The following FYN variants were observed in gnomAD, a reference collection of about 807,000 sequenced individuals.
FYN encodes the protein tyrosine-protein kinase Fyn.
Under a neutral mutation model 70.2 loss-of-function variants are expected in FYN, and 10 were observed. The ratio of observed to expected loss-of-function variants is 0.14; its 90% CI spans 0.09 to 0.24. The LOEUF is 0.24. Ranked by LOEUF, FYN falls within the 10% of genes least tolerant of loss-of-function variation. The pLI is 1.00. For missense variants in FYN, 319 were observed against 673.1 expected, an observed-to-expected ratio of 0.47 and a Z score of 5.82; for synonymous variants, 236 against 248.6, an observed-to-expected ratio of 0.95 and a Z score of 0.48.
At chr6:111,738,500 C>T (rs1025416597) in intron 3 of FYN, among the ~76,000 whole-genome samples, 2 of 152,210 alleles carry the variant, frequency 1.3e-5, no homozygotes, top group East Asian at 1.9e-4. Flanking sequence ...GCACATCCAT[C>T]GGAGATGCTC....
In FYN at chr6:111,826,672, ATTAT is replaced by A. The variant is rs1345572600; in HGVS notation, c.-82+19913_-82+19916del. ...TTGCATTTCCAATTCTCCTTACCACATTATTTTAGTTTTGCATAGGACATATCCC... is the reference window on the plus strand; with the variant it reads ...TTGCATTTCCAATTCTCCTTACCACATTTAGTTTTGCATAGGACATATCCC... On this transcript the variant is annotated intron_variant, in intron 2 of 13. Transcript: ENST00000354650. Among the ~76,000 whole-genome samples the A allele has an allele frequency of 2.0e-5, 3 of 152,254 alleles. No individual in the cohort carries two copies. In the East Asian group the frequency reaches 5.8e-4, roughly 29 times the overall value.
At chr6:111,769,246 A>T (rs1803346480) in intron 3 of FYN, among the ~76,000 whole-genome samples, 1 of 152,212 alleles carries the variant, frequency 6.6e-6, no homozygotes, top group Admixed American at 6.5e-5. Flanking sequence ...TCTAGCCTTC[A>T]CTTAACTGAG....
chr6:111,779,328 G>C (rs1048501370), intron 3 of FYN, among the ~76,000 whole-genome samples: 2 of 151,880 alleles, frequency 1.3e-5, no homozygotes, highest in African/African-American at 4.8e-5. Flanking sequence ...TTCAGTCAAA[G>C]CTCAAAAATT....
rs1322366187 is a variant in FYN at position 111,661,926 on chromosome 6, A to G, written c.1427T>C (p.Leu476Pro). ...CCTGTAGCCTCGCTCCACCTGCTCC[A>G]GCACCTCCCGGTTGTTCATGCCTGC... ...PYPGMNNREV[L>P]EQVERGYRMP... is the part of the protein sequence containing the mutation. Residue 476 changes from leucine to proline, a missense_variant, in exon 14 of 14, where the codon CTG becomes CCG. Around this residue, in one of 4 missense-constraint regions of FYN, gnomAD observed 64 missense variants for 223.0 expected, o/e 0.29. Transcript: ENST00000354650. This position sits in a 1 kb window ranked among gnomAD's most constrained non-coding sequence, Gnocchi z 4.0. The G allele has an allele frequency of 6.2e-7, 1 of 1,612,954 alleles. No homozygotes were observed. The highest frequency in any genetic ancestry group is 8.5e-7 in the Non-Finnish European group (1 of 1,179,366).
intron 3 of FYN, among the ~76,000 whole-genome samples, chr6:111,778,400 C>T (rs1046138279): frequency 2.0e-5 from 3 of 152,142 alleles, no homozygotes; most frequent in Non-Finnish European, 2.9e-5. Context: ...GTGACAGGCA[C>T]TATCCAGGCA....
chr6:111,672,218 G>C (rs544740077), intron 13 of FYN, among the ~76,000 whole-genome samples: 1 of 152,268 alleles, frequency 6.6e-6, no homozygotes, highest in African/African-American at 2.4e-5. Flanking sequence ...CCAGACCTTG[G>C]GATGCTCTTC....
At chr6:111,724,259 T>G (rs1423186120) in intron 3 of FYN, among the ~76,000 whole-genome samples, 1 of 152,142 alleles carries the variant, frequency 6.6e-6, no homozygotes, top group African/African-American at 2.4e-5. Context: ...CCCTTTCTGC[T>G]GCCATGCTAT....
intron 3 of FYN, among the ~76,000 whole-genome samples, chr6:111,720,807 A>G (rs1169842255): frequency 6.6e-6 from 1 of 152,044 alleles, no homozygotes; most frequent in Non-Finnish European, 1.5e-5. Flanking sequence ...AATCATTCCC[A>G]TGTTACAGAG....
chr6:111,699,386 G>A (rs1004667304), intron 9 of FYN: 11 of 943,742 alleles, frequency 1.2e-5, no homozygotes, highest in Non-Finnish European at 1.6e-5. Context: ...AAATCTGGAT[G>A]GCCTGTGCCC....
At chr6:111,746,952 C>G (rs989461410) in intron 3 of FYN, among the ~76,000 whole-genome samples, 69 of 152,186 alleles carry the variant, frequency 4.5e-4, no homozygotes, top group African/African-American at 1.6e-3. Context: ...TAACACACAG[C>G]CCTCAAAAGA....
intron 3 of FYN, among the ~76,000 whole-genome samples, chr6:111,764,898 T>C (rs150823146): frequency 7.8e-4 from 118 of 152,248 alleles, no homozygotes; most frequent in African/African-American, 2.8e-3. Flanking sequence ...CATTCTCTCT[T>C]GTTCCCCTTT....
At chr6:111,797,737 C>A (rs1287437137) in intron 2 of FYN, among the ~76,000 whole-genome samples, 2 of 140,482 alleles carry the variant, frequency 1.4e-5, no homozygotes, top group East Asian at 4.1e-4. Context: ...CATGACACAC[C>A]CCTCCCAAAA....
Position 111,763,645 on chromosome 6 carries a change from T to G in FYN, c.-12+16921A>C, listed in dbSNP as rs572419484. 5.0e-4 allele frequency among the ~76,000 whole-genome samples: 76 copies of G among 152,362 alleles called. 1 individual carries two copies. In the South Asian group the frequency reaches 0.015, roughly 30 times the overall value. Reference sequence around the variant, plus strand: ...TATACTTACCACCCAGCTTTAAACATTAATATTATAACATACGTGCTTTAT... The same window carrying G: ...TATACTTACCACCCAGCTTTAAACAGTAATATTATAACATACGTGCTTTAT... On this transcript the variant is annotated intron_variant, in intron 3 of 13. Coordinates refer to ENST00000354650, the MANE Select transcript of FYN (RefSeq NM_002037.5).
chr6:111,788,621 A>G (rs1771491651), intron 2 of FYN, among the ~76,000 whole-genome samples: 1 of 152,228 alleles, frequency 6.6e-6, no homozygotes, highest in African/African-American at 2.4e-5. Context: ...AAGCTTGTGC[A>G]CAAAAATAAC....
intron 3 of FYN, among the ~76,000 whole-genome samples, chr6:111,770,203 AC>A (rs1481920146): frequency 6.6e-6 from 1 of 152,248 alleles, no homozygotes; most frequent in Admixed American, 6.5e-5. Flanking sequence ...AAGACTTAGT[AC>A]AAAAATATCT....
rs1210961496 is a variant in FYN at position 111,660,434 on chromosome 6, T to G, written c.*1305A>C. On this transcript the variant is annotated 3_prime_UTR_variant, in exon 14 of 14. Coordinates refer to ENST00000354650, the MANE Select transcript of FYN (RefSeq NM_002037.5). The stretch of plus-strand genomic sequence containing the variant: ...ATCATAACAAAAAAGGAATTAAGAC[T>G]TCAGAGTTGCTAGTCAGTATTAAAA... The G allele has an allele frequency of 6.6e-6, 1 of 152,220 alleles. No homozygotes were observed. The highest frequency in any genetic ancestry group is 1.5e-5 in the Non-Finnish European group (1 of 68,044). The allele number at this position is 152,220 out of a possible 1,614,324, so 9.4% of individuals were successfully genotyped here.
rs1234045056 is a variant in FYN, at chr6:111,837,055, T to C, written c.-82+9534A>G. Among the ~76,000 whole-genome samples, 3 of 152,164 alleles carry C rather than the reference T, an allele frequency of 2.0e-5. No individual in the cohort carries two copies. In the East Asian group the frequency reaches 5.8e-4, roughly 29 times the overall value. ...TTGTCCTACCAGTTCATGGGCCATATATAAAAAAAACACTCCTGACACTTT... is the reference window on the plus strand; with the variant it reads ...TTGTCCTACCAGTTCATGGGCCATACATAAAAAAAACACTCCTGACACTTT... On this transcript the variant is annotated intron_variant, in intron 2 of 13. Coordinates refer to ENST00000354650, the MANE Select transcript of FYN (RefSeq NM_002037.5).
chr6:111,873,059 G>C lies in FYN; in HGVS notation c.-214C>G, dbSNP rs1240709228. 1.3e-5 allele frequency: 2 copies of C among 148,484 alleles called. No individual in the cohort carries two copies. The highest frequency in any genetic ancestry group is 6.7e-5 in the Admixed American group (1 of 15,008). The allele number at this position is 148,484 out of a possible 1,614,324, so 9.2% of individuals were successfully genotyped here. A position where few individuals can be genotyped will look rare whatever the true frequency, so the allele number is the denominator to read the frequency against. On this transcript the variant is annotated 5_prime_UTR_variant, in exon 1 of 14. Coordinates refer to ENST00000354650, the MANE Select transcript of FYN (RefSeq NM_002037.5). ...GAGGCGGCTCCGGGGGGTCCCCGGC[G>C]GGCCCGGGAGCCGGTGGGCCTTCCG... is the stretch of plus-strand genomic sequence containing the variant.
chr6:111,663,803 A>G (rs1421602202), intron 13 of FYN, among the ~76,000 whole-genome samples: 6 of 152,064 alleles, frequency 3.9e-5, no homozygotes, highest in Non-Finnish European at 5.9e-5. Flanking sequence ...TAATTAGCCT[A>G]CATCCTCCTC....
Sources: allele counts gnomAD v4.1 joint callset (sites outside exome capture counted in the v4.1 genomes callset), GRCh38; gene constraint gnomAD v4.1.1; regional missense constraint gnomAD v4.1.1; non-coding constraint Gnocchi (gnomAD v3.1); transcripts MANE v1.5; gene names NCBI Gene and HGNC (gene_info 2026-07-23, HGNC 2026-07-21).